PROB1: variants seen among roughly 807,000 people sequenced by gnomAD.
PROB1 encodes proline rich basic protein 1.
For synonymous variants in PROB1, 660 were observed against 699.3 expected (o/e 0.94, Z 0.89); for missense variants, 1,453 against 1,485.7 (o/e 0.98, Z 0.36).
In PROB1 at chr5:139,393,733, C is replaced by T; in HGVS notation, c.1349G>A (p.Arg450Lys). The T allele has an allele frequency of 5.2e-6, 8 of 1,551,364 alleles. No homozygotes were observed. Among genetic ancestry groups the T allele is most frequent in the Non-Finnish European group, 6.1e-6 (7 of 1,146,990 alleles). ...AAGGATCGGAGGGGAAGGGCTTCTC[C>T]TGCTGACAGTTTCCTCGACGGCAGG... ...QNPAVEETVS[R>K]RSPSPPILSQ... Residue 450 changes from arginine (R) to lysine (K), a missense_variant, in exon 1 of 1, where the codon AGG (arginine) becomes AAG (lysine). By Grantham distance (26) the Arg-to-Lys change is conservative (BLOSUM62 2). Coordinates refer to ENST00000434752, the MANE Select transcript of PROB1 (RefSeq NM_001161546.2).
Position 139,392,850 on chromosome 5 carries a change from C to T in PROB1, c.2232G>A (p.Arg744=), listed in dbSNP as rs1455285021. 6.5e-7 allele frequency: 1 copy of T among 1,540,310 alleles called. No individual in the cohort carries two copies. Reference sequence around the variant, plus strand: ...CTCGCACTCGCGAGGTTACCTCGGGCCGGCGACCCAAGGCCAGGGCCCCAG... The same window carrying T: ...CTCGCACTCGCGAGGTTACCTCGGGTCGGCGACCCAAGGCCAGGGCCCCAG... ...RLPGALALGR[R]PEVTSRVRAR... is the part of the protein sequence containing the mutation. The change falls in exon 1 of 1, where the codon CGG becomes CGA. Residue 744 remains arginine (R), a synonymous_variant. Transcript: ENST00000434752. The surrounding 1 kb of genome is among the most constrained non-coding windows in gnomAD (Gnocchi z 5.8).
Position 139,392,983 on chromosome 5 carries a change from G to T in PROB1, c.2099C>A (p.Pro700Gln), listed in dbSNP as rs559526824. 6.6e-7 allele frequency: 1 copy of T among 1,504,130 alleles called. No individual in the cohort carries two copies. Among genetic ancestry groups the T allele is most frequent in the Non-Finnish European group, 8.9e-7 (1 of 1,123,344 alleles). 93.2% of individuals were successfully genotyped at this position (1,504,130 alleles called of 1,614,324 possible). ...VVPHPYEPPE[P>Q]SFDTVARDAS... is the part of the protein sequence containing the mutation. The stretch of plus-strand genomic sequence containing the variant: ...GTCCCGGGCGACCGTGTCGAAGGAC[G>T]GTTCAGGAGGCTCGTAGGGGTGCGG... The change falls in exon 1 of 1, where the codon CCG (proline) becomes CAG (glutamine). Residue 700 changes from proline (P) to glutamine (Q), a missense_variant. Transcript: ENST00000434752. This position sits in a 1 kb window ranked among gnomAD's most constrained non-coding sequence, Gnocchi z 5.8.
chr5:139,392,852 G>A lies in PROB1; in HGVS notation c.2230C>T (p.Arg744Trp). The A allele has an allele frequency of 6.5e-7, 1 of 1,540,702 alleles. No individual in the cohort carries two copies. The stretch of plus-strand genomic sequence containing the variant: ...CGCACTCGCGAGGTTACCTCGGGCC[G>A]GCGACCCAAGGCCAGGGCCCCAGGC... ...RLPGALALGR[R>W]PEVTSRVRAR... Residue 744 changes from arginine (R) to tryptophan (W), a missense_variant, in exon 1 of 1, where the codon CGG (arginine) becomes TGG (tryptophan). Coordinates refer to ENST00000434752, the MANE Select transcript of PROB1 (RefSeq NM_001161546.2). This position sits in a 1 kb window ranked among gnomAD's most constrained non-coding sequence, Gnocchi z 5.8.
chr5:139,394,888 G>A lies in PROB1; in HGVS notation c.194C>T (p.Ala65Val), dbSNP rs1561990198. The A allele has an allele frequency of 3.3e-6, 5 of 1,510,284 alleles. No individual in the cohort carries two copies. Among genetic ancestry groups the A allele is most frequent in the Admixed American group, 2.2e-5 (1 of 44,470 alleles). 93.6% of individuals were successfully genotyped at this position (1,510,284 alleles called of 1,614,324 possible). A position where few individuals can be genotyped will look rare whatever the true frequency, so the allele number is the denominator to read the frequency against. Reference sequence around the variant, plus strand: ...GACGGACAGGCGAGGCTGCGCGCCCGCCCCCCGCCCAGGAGCCACCCAGGG... The same window carrying A: ...GACGGACAGGCGAGGCTGCGCGCCCACCCCCCGCCCAGGAGCCACCCAGGG... ...NWPWVAPGRG[A>V]GAQPRLSVSA... Residue 65 changes from alanine (A) to valine (V), a missense_variant, in exon 1 of 1, where the codon GCG becomes GTG. Ala to Val is a moderately conservative substitution (Grantham distance 64). Transcript: ENST00000434752.
In PROB1 at chr5:139,394,857, G is replaced by C. The variant is rs1303368794; in HGVS notation, c.225C>G (p.Ala75=). ...AGAQPRLSVS[A]QNSRQRHGPG... ...GCCCGTGCCGCTGGCGGCTATTCTGGGCGCTGACGGACAGGCGAGGCTGCG... is the reference window on the plus strand; with the variant it reads ...GCCCGTGCCGCTGGCGGCTATTCTGCGCGCTGACGGACAGGCGAGGCTGCG... Residue 75 remains alanine, a synonymous_variant, in exon 1 of 1, where the codon GCC becomes GCG. Coordinates refer to ENST00000434752, the MANE Select transcript of PROB1 (RefSeq NM_001161546.2). 1 of 1,530,924 alleles carries C rather than the reference G, an allele frequency of 6.5e-7. No homozygotes were observed. Among genetic ancestry groups the C allele is most frequent in the Admixed American group, 2.0e-5 (1 of 48,966 alleles). 94.8% of individuals were successfully genotyped at this position (1,530,924 alleles called of 1,614,324 possible).
At position 139,392,104 on chromosome 5, in the gene PROB1, AGAG is replaced by A; in HGVS notation, c.2975_2977del (p.Pro992del). 3 of 1,420,408 alleles carry A rather than the reference AGAG, an allele frequency of 2.1e-6. No homozygotes were observed. Among genetic ancestry groups the A allele is most frequent in the Non-Finnish European group, 2.8e-6 (3 of 1,084,842 alleles). 88.0% of individuals were successfully genotyped at this position (1,420,408 alleles called of 1,614,324 possible). A position where few individuals can be genotyped will look rare whatever the true frequency, so the allele number is the denominator to read the frequency against. ...GCTGGAGGGCGGCGCACAGAGGAGCAGAGGAGGTGCGGGGTTGGGGGTCCCGCT... is the reference window on the plus strand; with the variant it reads ...GCTGGAGGGCGGCGCACAGAGGAGCAGAGGTGCGGGGTTGGGGGTCCCGCT... On this transcript the variant is annotated inframe_deletion, in exon 1 of 1. Transcript: ENST00000434752. The surrounding 1 kb of genome is among the most constrained non-coding windows in gnomAD (Gnocchi z 5.8).
Position 139,392,809 on chromosome 5 carries a change from C to T in PROB1, c.2273G>A (p.Gly758Glu), listed in dbSNP as rs2152076564. 4 of 1,507,682 alleles carry T rather than the reference C, an allele frequency of 2.7e-6. No homozygotes were observed. The South Asian group carries it at 3.8e-5, about 14-fold the overall frequency. 93.4% of individuals were successfully genotyped at this position (1,507,682 alleles called of 1,614,324 possible). A position where few individuals can be genotyped will look rare whatever the true frequency, so the allele number is the denominator to read the frequency against. The change falls in exon 1 of 1, where the codon GGA (glycine) becomes GAA (glutamate). Residue 758 changes from glycine (G) to glutamate (E), a missense_variant. Coordinates refer to ENST00000434752, the MANE Select transcript of PROB1 (RefSeq NM_001161546.2). The surrounding 1 kb of genome is among the most constrained non-coding windows in gnomAD (Gnocchi z 5.8). ...TSRVRARGPG[G>E]ENRDVEAQRL... ...CTGGGCCTCTACATCCCTGTTCTCT[C>T]CTCCAGGGCCGCGCGCTCGCACTCG...
In PROB1 at chr5:139,393,060, G is replaced by A. The variant is rs748223567; in HGVS notation, c.2022C>T (p.Pro674=). The stretch of plus-strand genomic sequence containing the variant: ...AAACGGAAGTGTAGTGAGCCGGGGC[G>A]GGGGGCCCCAGTGCTGGCGGCTCTT... ...KTQEPPALGP[P]APAHYTSVFI... Residue 674 remains proline, a synonymous_variant, in exon 1 of 1, where the codon CCC becomes CCT. Transcript: ENST00000434752. 5 of 1,529,954 alleles carry A rather than the reference G, an allele frequency of 3.3e-6. No individual in the cohort carries two copies. Among genetic ancestry groups the A allele is most frequent in the South Asian group, 2.5e-5 (2 of 81,364 alleles). The allele number at this position is 1,529,954 out of a possible 1,614,324, so 94.8% of individuals were successfully genotyped here.
chr5:139,393,677 T>G lies in PROB1; in HGVS notation c.1405A>C (p.Arg469=), dbSNP rs564207530. The G allele has an allele frequency of 6.4e-7, 1 of 1,551,048 alleles. No individual in the cohort carries two copies. The highest frequency in any genetic ancestry group is 8.7e-7 in the Non-Finnish European group (1 of 1,146,948). ...SQWNQCVAGE[R]SPSLEAPSLW... Reference sequence around the variant, plus strand: ...GAAGGGGCTTCGAGGGACGGGCTCCTTTCCCCAGCAACACACTGATTCCAC... The same window carrying G: ...GAAGGGGCTTCGAGGGACGGGCTCCGTTCCCCAGCAACACACTGATTCCAC... The change falls in exon 1 of 1, where the codon AGG becomes CGG. Residue 469 remains arginine (R), a synonymous_variant. Coordinates refer to ENST00000434752, the MANE Select transcript of PROB1 (RefSeq NM_001161546.2).
Position 139,394,180 on chromosome 5 carries a change from C to T in PROB1, c.902G>A (p.Arg301His), listed in dbSNP as rs1440766605. Reference sequence around the variant, plus strand: ...GGCGGGGGCCGAATTATCTCGTACGCGAAGTGGCCGAGACTTAGCCTTCTC... The same window carrying T: ...GGCGGGGGCCGAATTATCTCGTACGTGAAGTGGCCGAGACTTAGCCTTCTC... ...VLEKAKSRPL[R>H]VRDNSAPAKA... The change falls in exon 1 of 1, where the codon CGC becomes CAC. Residue 301 changes from arginine (R) to histidine (H), a missense_variant. Transcript: ENST00000434752. 1 of 1,546,408 alleles carries T rather than the reference C, an allele frequency of 6.5e-7. No homozygotes were observed. Among genetic ancestry groups the T allele is most frequent in the Non-Finnish European group, 8.7e-7 (1 of 1,144,172 alleles).
chr5:139,394,569 T>C lies in PROB1; in HGVS notation c.513A>G (p.Leu171=). 2 of 1,524,312 alleles carry C rather than the reference T, an allele frequency of 1.3e-6. No individual in the cohort carries two copies. The highest frequency in any genetic ancestry group is 2.0e-5 in the Admixed American group (1 of 49,386). The allele number at this position is 1,524,312 out of a possible 1,614,324, so 94.4% of individuals were successfully genotyped here. ...PDGGSRWATY[L]ELRPRGPSPA... ...GACTTGGCCCACGGGGCCGCAGCTCTAGGTAGGTGGCCCAGCGGGAGCCAC... is the reference window on the plus strand; with the variant it reads ...GACTTGGCCCACGGGGCCGCAGCTCCAGGTAGGTGGCCCAGCGGGAGCCAC... Residue 171 remains leucine (L), a synonymous_variant, in exon 1 of 1, where the codon CTA becomes CTG. Coordinates refer to ENST00000434752, the MANE Select transcript of PROB1 (RefSeq NM_001161546.2).
rs1252440030 is a variant in PROB1 at position 139,394,677 on chromosome 5, G to A, written c.405C>T (p.Phe135=). The change falls in exon 1 of 1, where the codon TTC becomes TTT. Residue 135 remains phenylalanine (F), a synonymous_variant. Transcript: ENST00000434752. ...AGGGGCTGATGAAGGCCGGCTCCGT[G>A]AACTGTTGTTGCGCCTCGCGATCGT... The part of the protein sequence containing the change: ...GADDREAQQQ[F]TEPAFISPLP... 3 of 1,534,574 alleles carry A rather than the reference G, an allele frequency of 2.0e-6. No individual in the cohort carries two copies. The South Asian group carries it at 3.6e-5, about 18-fold the overall frequency.
Position 139,394,229 on chromosome 5 carries a change from C to A in PROB1, c.853G>T (p.Ala285Ser). The change falls in exon 1 of 1, where the codon GCC becomes TCC. Residue 285 changes from alanine (A) to serine (S), a missense_variant. Transcript: ENST00000434752. ...GRSEPETRET[A>S]RSTHVVLEKA... The stretch of plus-strand genomic sequence containing the variant: ...TCCAGGACCACGTGGGTGCTGCGGG[C>A]CGTTTCCCGGGTCTCAGGTTCCGAC... 6.5e-7 allele frequency: 1 copy of A among 1,548,678 alleles called. No individual in the cohort carries two copies. The highest frequency in any genetic ancestry group is 8.7e-7 in the Non-Finnish European group (1 of 1,145,488).
chr5:139,395,012 G>C lies in PROB1; in HGVS notation c.70C>G (p.Arg24Gly). 1 of 1,469,936 alleles carries C rather than the reference G, an allele frequency of 6.8e-7. No homozygotes were observed. Among genetic ancestry groups the C allele is most frequent in the Admixed American group, 2.7e-5 (1 of 37,528 alleles). The allele number at this position is 1,469,936 out of a possible 1,614,324, so 91.1% of individuals were successfully genotyped here. A position where few individuals can be genotyped will look rare whatever the true frequency, so the allele number is the denominator to read the frequency against. Reference protein sequence around the residue: ...PRQLPTAPARRQDSSGSSGSY... With the variant: ...PRQLPTAPARGQDSSGSSGSY... ...CCTGACGAACCGGAGGAGTCCTGGC[G>C]CCGCGCGGGGGCCGTGGGCAGCTGC... Residue 24 changes from arginine to glycine, a missense_variant, in exon 1 of 1, where the codon CGC becomes GGC. Coordinates refer to ENST00000434752, the MANE Select transcript of PROB1 (RefSeq NM_001161546.2).
chr5:139,391,898 A>G lies in PROB1; in HGVS notation c.*136T>C, dbSNP rs573874687. Reference sequence around the variant, plus strand: ...CTCGGGGCTCAGATTCATTCTCTGAAGATCACTTCCTGTCCGACGACTGAC... The same window carrying G: ...CTCGGGGCTCAGATTCATTCTCTGAGGATCACTTCCTGTCCGACGACTGAC... On this transcript the variant is annotated 3_prime_UTR_variant, in exon 1 of 1. Transcript: ENST00000434752. This position sits in a 1 kb window ranked among gnomAD's most constrained non-coding sequence, Gnocchi z 4.8. 290 of 713,832 alleles carry G rather than the reference A, an allele frequency of 4.1e-4. No homozygotes were observed. The highest frequency in any genetic ancestry group is 2.4e-3 in the South Asian group (41 of 16,970). 44.2% of individuals were successfully genotyped at this position (713,832 alleles called of 1,614,324 possible).
Position 139,391,923 on chromosome 5 carries a change from C to G in PROB1, c.*111G>C. The G allele has an allele frequency of 3.5e-6, 3 of 866,336 alleles. No individual in the cohort carries two copies. The South Asian group carries it at 1.6e-4, about 46-fold the overall frequency. The allele number at this position is 866,336 out of a possible 1,614,324, so 53.7% of individuals were successfully genotyped here. ...AGATCACTTCCTGTCCGACGACTGACTGGGATGGGTTAAAGACAGAGGCGA... is the reference window on the plus strand; with the variant it reads ...AGATCACTTCCTGTCCGACGACTGAGTGGGATGGGTTAAAGACAGAGGCGA... On this transcript the variant is annotated 3_prime_UTR_variant, in exon 1 of 1. Transcript: ENST00000434752. The surrounding 1 kb of genome is among the most constrained non-coding windows in gnomAD (Gnocchi z 4.8).
rs888168527 is a variant in PROB1 at position 139,394,331 on chromosome 5, C to T, written c.751G>A (p.Val251Met). ...LGPLQAAAGF[V>M]QTALARKLSP... Reference sequence around the variant, plus strand: ...AGTTTTCTGGCCAACGCCGTCTGCACGAAGCCCGCGGCGGCCTGCAGGGGG... The same window carrying T: ...AGTTTTCTGGCCAACGCCGTCTGCATGAAGCCCGCGGCGGCCTGCAGGGGG... The change falls in exon 1 of 1, where the codon GTG becomes ATG. Residue 251 changes from valine to methionine, a missense_variant. Transcript: ENST00000434752. The T allele has an allele frequency of 6.9e-7, 1 of 1,453,088 alleles. No individual in the cohort carries two copies. 90.0% of individuals were successfully genotyped at this position (1,453,088 alleles called of 1,614,324 possible).
In PROB1 at chr5:139,393,093, G is replaced by C; in HGVS notation, c.1989C>G (p.Ser663=). The change falls in exon 1 of 1, where the codon TCC becomes TCG. Residue 663 remains serine (S), a synonymous_variant. Coordinates refer to ENST00000434752, the MANE Select transcript of PROB1 (RefSeq NM_001161546.2). ...CCAGTGCTGGCGGCTCTTGCGTCTTGGATTCGCCGCCCTCCTCCCCGCAGG... is the reference window on the plus strand; with the variant it reads ...CCAGTGCTGGCGGCTCTTGCGTCTTCGATTCGCCGCCCTCCTCCCCGCAGG... ...ADPCGEEGGE[S]KTQEPPALGP... The C allele has an allele frequency of 6.6e-7, 1 of 1,524,032 alleles. No homozygotes were observed. The highest frequency in any genetic ancestry group is 8.8e-7 in the Non-Finnish European group (1 of 1,133,242). 94.4% of individuals were successfully genotyped at this position (1,524,032 alleles called of 1,614,324 possible).
rs1370978036 is a variant in PROB1, at chr5:139,394,208, GGAC to G, written c.871_873del (p.Val291del). 2.6e-5 allele frequency: 41 copies of G among 1,548,710 alleles called. No homozygotes were observed. The East Asian group carries it at 9.8e-4, about 37-fold the overall frequency. ...AGTGGCCGAGACTTAGCCTTCTCCA[GGAC>G]CACGTGGGTGCTGCGGGCCGTTTCC... On this transcript the variant is annotated inframe_deletion, in exon 1 of 1. Transcript: ENST00000434752.
Sources: gnomAD v4.1 joint callset for allele counts on GRCh38, gnomAD v4.1.1 for gene constraint, Gnocchi (gnomAD v3.1) non-coding constraint, MANE v1.5 for transcripts, NCBI Gene and HGNC (gene_info 2026-07-23, HGNC 2026-07-21) for gene names.